ANKRD26: variants seen among roughly 807,000 people sequenced by gnomAD.
ANKRD26 encodes ankyrin repeat domain 26.
In ANKRD26, 141 loss-of-function variants were observed where a neutral mutation model predicts 208.7. The observed-to-expected ratio is 0.68, with a 90% CI of 0.59 to 0.78. The LOEUF is 0.78. Among genes scored for constraint, ANKRD26 ranks in the 30% least tolerant of loss-of-function variants. ANKRD26 has a pLI of 0.00. For synonymous variants in ANKRD26, 636 were observed against 660.4 expected (o/e 0.96, Z 0.57); for missense variants, 1,889 against 1,938.7 (o/e 0.97, Z 0.48).
rs1389191543 is a variant in ANKRD26, at chr10:27,093,666, A to G, written c.357+19T>C. ...TAAGTCAAATCCATCTGATGCTGAA[A>G]GAGCTGGCTACTATATACCTTCATC... On this transcript the variant is annotated intron_variant, in intron 2 of 33. Coordinates refer to ENST00000376087, the MANE Select transcript of ANKRD26 (RefSeq NM_014915.3). The G allele has an allele frequency of 3.1e-6, 5 of 1,608,340 alleles. No homozygotes were observed. In the African/African-American group the frequency reaches 5.3e-5, roughly 17 times the overall value.
At chr10:26,987,019 T>G (rs2134646918), downstream of ANKRD26, among the ~76,000 whole-genome samples, 1 of 152,240 alleles carries the variant, frequency 6.6e-6, no homozygotes, top group South Asian at 2.1e-4. Context: ...AGCAAAGACT[T>G]GGAACCAACC....
Position 27,047,219 on chromosome 10 carries a change from A to G in ANKRD26, c.1815-696T>C, listed in dbSNP as rs2054478592. ...GATACACATATAACATGGAAGAAGA[A>G]ATCAGGAAAATATCCTGGGTGGGGG... On this transcript the variant is annotated intron_variant, in intron 17 of 33. Coordinates refer to ENST00000376087, the MANE Select transcript of ANKRD26 (RefSeq NM_014915.3). 1.3e-5 allele frequency among the ~76,000 whole-genome samples: 2 copies of G among 152,366 alleles called. 1 individual carries two copies.
downstream of ANKRD26, among the ~76,000 whole-genome samples, chr10:26,972,490 C>A (rs1188458452): frequency 6.6e-6 from 1 of 151,852 alleles, no homozygotes; most frequent in East Asian, 1.9e-4. Context: ...TTAAGAGATA[C>A]AACCGCTTCT....
At chr10:27,040,590 G>A (rs183457441) in intron 20 of ANKRD26, among the ~76,000 whole-genome samples, 167 of 152,250 alleles carry the variant, frequency 1.1e-3, no homozygotes, top group Middle Eastern at 3.4e-3. Context: ...TGCAGCGTGT[G>A]CTGAGGCTCT....
the ANKRD26 span, among the ~76,000 whole-genome samples, chr10:26,967,347 G>C: frequency 0.1 from 15,167 of 152,226 alleles, 1,400 homozygotes; most frequent in East Asian, 0.48. Context: ...TTTTATAAAA[G>C]AGATGAGCCA....
At chr10:26,991,961 A>G (rs1213103778) in exon 6 of ANKRD26, 2 of 152,212 alleles carry the variant, frequency 1.3e-5, no homozygotes, top group Non-Finnish European at 2.9e-5. Context: ...CATTTGTCTC[A>G]GGTCAGCAGA....
intron 5 of ANKRD26, among the ~76,000 whole-genome samples, chr10:26,993,989 A>G (rs989558747): frequency 3.3e-5 from 5 of 152,252 alleles, no homozygotes; most frequent in African/African-American, 4.8e-5. Flanking sequence ...CTAAAAGGAT[A>G]TTAAATCAGA....
At chr10:26,976,631 C>A in intron 5 of ANKRD26, among the ~76,000 whole-genome samples, 1 of 152,030 alleles carries the variant, frequency 6.6e-6, no homozygotes, top group East Asian at 1.9e-4. Context: ...GAAGGGAGGG[C>A]GGTTTGTTTG....
At chr10:27,008,176 A>G (rs1405716105) in intron 32 of ANKRD26, among the ~76,000 whole-genome samples, 2 of 152,070 alleles carry the variant, frequency 1.3e-5, no homozygotes, top group African/African-American at 4.8e-5. Context: ...ATAGTACACT[A>G]TATAGTGAGC....
At position 27,043,444 on chromosome 10, in the gene ANKRD26, G is replaced by A; in HGVS notation, c.2143C>T (p.Leu715Phe). 1.2e-6 allele frequency: 2 copies of A among 1,614,014 alleles called. No individual in the cohort carries two copies. The change falls in exon 20 of 34, where the codon CTT (leucine) becomes TTT (phenylalanine). Residue 715 changes from leucine to phenylalanine, a missense_variant. Coordinates refer to ENST00000376087, the MANE Select transcript of ANKRD26 (RefSeq NM_014915.3). Reference protein sequence around the residue: ...YKNFMLLIEQLGMECKDSVSL... With the variant: ...YKNFMLLIEQFGMECKDSVSL... The stretch of plus-strand genomic sequence containing the variant: ...GTCCTACCTTTACACTCCATTCCAA[G>A]TTGTTCAATGAGCAACATAAAATTC...
Position 27,037,888 on chromosome 10 carries a change from T to C in ANKRD26, c.2542A>G (p.Lys848Glu). 1 of 1,610,458 alleles carries C rather than the reference T, an allele frequency of 6.2e-7. No homozygotes were observed. Among genetic ancestry groups the C allele is most frequent in the Non-Finnish European group, 8.5e-7 (1 of 1,178,826 alleles). ...TAATTTACCTGATTCAAATTACTTT[T>C]TACAGTCCTCAATTCCATCTCCAGT... is the stretch of plus-strand genomic sequence containing the variant. ...QTLEMELRTV[K>E]SNLNQVVQER... The change falls in exon 22 of 34, where the codon AAA becomes GAA. Residue 848 changes from lysine to glutamate, a missense_variant. This residue lies in a region of ANKRD26 where 1,272 missense variants were observed against 1,273.8 expected (regional missense o/e 1.00). Coordinates refer to ENST00000376087, the MANE Select transcript of ANKRD26 (RefSeq NM_014915.3).
At position 27,014,718 on chromosome 10, in the gene ANKRD26, CA is replaced by C; in HGVS notation, c.4507-8del. The C allele has an allele frequency of 6.2e-7, 1 of 1,607,536 alleles. No homozygotes were observed. The highest frequency in any genetic ancestry group is 1.1e-5 in the South Asian group (1 of 90,724). ...CTTGAGATGCTGCTTGTGCCTAAAA[CA>C]AATTAAAAGCATATGTTTTAAAAAT... On this transcript the variant is annotated splice_polypyrimidine_tract_variant and splice_region_variant and intron_variant, in intron 30 of 33. Transcript: ENST00000376087.
chr10:26,985,961 T>A (rs929160618), intron 3 of ANKRD26, among the ~76,000 whole-genome samples: 1 of 152,032 alleles, frequency 6.6e-6, no homozygotes, highest in Non-Finnish European at 1.5e-5. Flanking sequence ...AAAAGAGCCC[T>A]CATTGCCAAG....
intron 13 of ANKRD26, 117 bp downstream of exon 13, chr10:27,061,027 G>A (rs1297518748): frequency 2.5e-6 from 2 of 798,468 alleles, no homozygotes; most frequent in Non-Finnish European, 4.3e-6. Context: ...CAGTTATGAT[G>A]CCACTTTACT....
intron 6 of ANKRD26, among the ~76,000 whole-genome samples, chr10:27,081,416 T>A (rs1425904717): frequency 6.6e-6 from 1 of 152,170 alleles, no homozygotes; most frequent in Non-Finnish European, 1.5e-5. Context: ...CCCTTTCTAT[T>A]ATTAAAATAT....
chr10:27,067,260 T>C lies in ANKRD26; in HGVS notation c.1104A>G (p.Ala368=), dbSNP rs190613101. The change falls in exon 10 of 34, where the codon GCA becomes GCG. Residue 368 remains alanine (A), a synonymous_variant. Coordinates refer to ENST00000376087, the MANE Select transcript of ANKRD26 (RefSeq NM_014915.3). Reference sequence around the variant, plus strand: ...TAATATCAATACCATTTTCTTTTTTTGCAATGCCTGGCTTTGTTGGTTCTT... The same window carrying C: ...TAATATCAATACCATTTTCTTTTTTCGCAATGCCTGGCTTTGTTGGTTCTT... The part of the protein sequence containing the change: ...MKEEPTKPGI[A]KKENGIDIIE... 9 of 1,613,662 alleles carry C rather than the reference T, an allele frequency of 5.6e-6. No homozygotes were observed. The highest frequency in any genetic ancestry group is 2.5e-6 in the Non-Finnish European group (3 of 1,179,952).
At chr10:26,964,162 A>G in the ANKRD26 span, among the ~76,000 whole-genome samples, 3 of 148,012 alleles carry the variant, frequency 2.0e-5, no homozygotes, top group Admixed American at 6.8e-5. Context: ...ACCTGCCTCA[A>G]CCTCCCAAAG....
In ANKRD26 at chr10:27,017,745, T is replaced by G; in HGVS notation, c.4263A>C (p.Leu1421=). The G allele has an allele frequency of 6.2e-7, 1 of 1,613,302 alleles. No homozygotes were observed. The highest frequency in any genetic ancestry group is 8.5e-7 in the Non-Finnish European group (1 of 1,179,816). The change falls in exon 30 of 34, where the codon CTA becomes CTC. Residue 1421 remains leucine (L), a synonymous_variant. Coordinates refer to ENST00000376087, the MANE Select transcript of ANKRD26 (RefSeq NM_014915.3). Reference sequence around the variant, plus strand: ...GAATTTGGTTCTTTGTATCCAGATGTAGACATTTTGAACCTGCAGTCTCCA... The same window carrying G: ...GAATTTGGTTCTTTGTATCCAGATGGAGACATTTTGAACCTGCAGTCTCCA... ...AELETAGSKC[L]HLDTKNQILQ...
chr10:27,096,782 G>GAAA (rs971166720), intron 1 of ANKRD26, among the ~76,000 whole-genome samples: 2 of 139,458 alleles, frequency 1.4e-5, no homozygotes, highest in African/African-American at 5.5e-5. Flanking sequence ...AAAAAAAAAA[G>GAAA]AAAAAAAAAT....
Sources: allele counts gnomAD v4.1 joint callset (sites outside exome capture counted in the v4.1 genomes callset), GRCh38; gene constraint gnomAD v4.1.1; regional missense constraint gnomAD v4.1.1; transcripts MANE v1.5; gene names NCBI Gene and HGNC (gene_info 2026-07-23, HGNC 2026-07-21).